PCDHAC1: variants seen among roughly 807,000 people sequenced by gnomAD.
PCDHAC1 encodes the protein protocadherin alpha-C1.
PCDHAC1 carries 42 observed loss-of-function variants against 60.0 expected under a neutral mutation model. The ratio of observed to expected loss-of-function variants is 0.70; its 90% confidence interval spans 0.55 to 0.90. The LOEUF (loss-of-function observed/expected upper bound fraction) is 0.90, where lower values mean the gene tolerates loss of function less well. Ranked by LOEUF, PCDHAC1 falls within the 40% of genes least tolerant of loss-of-function variation. The pLI, the probability that PCDHAC1 is intolerant of heterozygous loss-of-function variation, is 0.00. For missense variants in PCDHAC1, 1,160 were observed against 1,222.3 expected, an observed-to-expected ratio of 0.95 and a Z score of 0.76; for synonymous variants, 468 against 499.3, an observed-to-expected ratio of 0.94 and a Z score of 0.84.
intron 1 of PCDHAC1, among the ~76,000 whole-genome samples, chr5:140,976,011 CTAAA>C (rs2096695708): frequency 6.6e-6 from 1 of 152,110 alleles, no homozygotes; most frequent in African/African-American, 2.4e-5. Context: ...TATTAAAGAA[CTAAA>C]TAATCACAGT....
At chr5:140,979,690 A>G (rs2096860224) in intron 2 of PCDHAC1, among the ~76,000 whole-genome samples, 1 of 152,252 alleles carries the variant, frequency 6.6e-6, no homozygotes, top group Non-Finnish European at 1.5e-5. Context: ...ATTAACTACC[A>G]TTATTTCTGG....
intron 1 of PCDHAC1, among the ~76,000 whole-genome samples, chr5:140,976,886 AC>A (rs2096735847): frequency 6.6e-6 from 1 of 152,232 alleles, no homozygotes; most frequent in African/African-American, 2.4e-5. Flanking sequence ...GAATTAGGAT[AC>A]ATGCAACAGT....
In PCDHAC1 at chr5:140,927,059, G is replaced by T. The variant is rs2153586396; in HGVS notation, c.167G>T (p.Arg56Leu). Reference sequence around the variant, plus strand: ...GCCGCTATGTCCTCGCGGAACTTTCGCTTCCTTTCCAGCCACCGCGAGCTC... The same window carrying T: ...GCCGCTATGTCCTCGCGGAACTTTCTCTTCCTTTCCAGCCACCGCGAGCTC... ...PAAAMSSRNF[R>L]FLSSHRELYF... The change falls in exon 1 of 4, where the codon CGC becomes CTC. Residue 56 changes from arginine (R) to leucine (L), a missense_variant. Transcript: ENST00000253807. The T allele has an allele frequency of 6.2e-7, 1 of 1,611,324 alleles. No homozygotes were observed. Among genetic ancestry groups the T allele is most frequent in the Middle Eastern group, 1.7e-4 (1 of 6,050 alleles).
At chr5:140,969,493 C>T (rs1240479958) in intron 1 of PCDHAC1, 5 of 1,445,166 alleles carry the variant, frequency 3.5e-6, no homozygotes, top group Non-Finnish European at 4.6e-6. Flanking sequence ...GCTATTTCCT[C>T]TCTAGAAAAA....
At position 141,009,759 on chromosome 5, in the gene PCDHAC1, G is replaced by T. The variant is rs200822345; in HGVS notation, c.2714G>T (p.Gly905Val). The change falls in exon 4 of 4, where the codon GGA becomes GTA. Residue 905 changes from glycine to valine, a missense_variant. By Grantham distance (109) the Gly-to-Val change is moderately radical. Around this residue, in one of 3 missense-constraint regions of PCDHAC1, gnomAD observed 1,113 missense variants for 1,163.7 expected, o/e 0.96. Transcript: ENST00000253807. ...GELPDKFIIP[G>V]SPAIISIRQE... ...TTGCCCGACAAATTCATTATCCCAG[G>T]ATCTCCTGCAATCATCTCCATCCGG... The T allele has an allele frequency of 6.7e-5, 108 of 1,614,082 alleles. 1 individual carries two copies. The East Asian group carries it at 2.2e-3, about 33-fold the overall frequency.
intron 1 of PCDHAC1, chr5:140,967,346 G>C (rs1332345482): frequency 6.2e-7 from 1 of 1,607,970 alleles, no homozygotes; most frequent in Non-Finnish European, 8.5e-7. Context: ...CGAGCACTTC[G>C]AGCTGGACCT....
rs1162515573 is a variant in PCDHAC1, at chr5:140,941,250, T to C, written c.2433+11925T>C. 3.6e-5 allele frequency among the ~76,000 whole-genome samples: 5 copies of C among 139,366 alleles called. No homozygotes were observed. In the East Asian group the frequency reaches 1.0e-3, roughly 29 times the overall value. 91.4% of individuals were successfully genotyped at this position (139,366 alleles called of 152,430 possible). A position where few individuals can be genotyped will look rare whatever the true frequency, so the allele number is the denominator to read the frequency against. ...TTCTTTCTTTCTTTCTTTCTTTCTT[T>C]CTTTCTCTTTCTTTCTTTCTTTCCT... is the stretch of plus-strand genomic sequence containing the variant. On this transcript the variant is annotated intron_variant, in intron 1 of 3. Coordinates refer to ENST00000253807, the MANE Select transcript of PCDHAC1 (RefSeq NM_018898.5).
At chr5:140,949,991 A>T (rs1585353048) in intron 1 of PCDHAC1, among the ~76,000 whole-genome samples, 1 of 151,822 alleles carries the variant, frequency 6.6e-6, no homozygotes, top group East Asian at 1.9e-4. Flanking sequence ...AACTTTTCTC[A>T]GTCCACTTAA....
intron 1 of PCDHAC1, chr5:140,969,328 T>C (rs2096319778): frequency 1.2e-6 from 2 of 1,614,124 alleles, no homozygotes; most frequent in Admixed American, 1.7e-5. Flanking sequence ...TTTCTCAAAA[T>C]GAGGTGAGAC....
At chr5:140,958,696 G>A (rs1276859394) in intron 1 of PCDHAC1, among the ~76,000 whole-genome samples, 1 of 152,156 alleles carries the variant, frequency 6.6e-6, no homozygotes, top group African/African-American at 2.4e-5. Flanking sequence ...ATATCCTAGA[G>A]TGACAACTCT....
rs782468229 is a variant in PCDHAC1, at chr5:140,927,159, C to T, written c.267C>T (p.Ala89=). The change falls in exon 1 of 4, where the codon GCC becomes GCT. Residue 89 remains alanine, a synonymous_variant. Transcript: ENST00000253807. ...CGGACCGCGAACAGCTGTGCAGGGC[C>T]AAAGCTGCCTGCGTCTTGACCTACG... The part of the protein sequence containing the change: ...EPADREQLCR[A]KAACVLTYDL... 2 of 1,614,164 alleles carry T rather than the reference C, an allele frequency of 1.2e-6. No individual in the cohort carries two copies. The highest frequency in any genetic ancestry group is 2.2e-5 in the South Asian group (2 of 91,080).
intron 3 of PCDHAC1, among the ~76,000 whole-genome samples, chr5:140,991,007 G>C (rs2153892777): frequency 6.6e-6 from 1 of 152,280 alleles, no homozygotes; most frequent in South Asian, 2.1e-4. Flanking sequence ...ATTGAGAACT[G>C]TGATAAGCAC....
At chr5:141,005,304 A>G (rs2098205361) in intron 3 of PCDHAC1, among the ~76,000 whole-genome samples, 1 of 152,200 alleles carries the variant, frequency 6.6e-6, no homozygotes, top group Non-Finnish European at 1.5e-5. Context: ...GCCTTTGTGA[A>G]TCTTACAGTG....
At chr5:140,953,948 C>T (rs1012464637) in intron 1 of PCDHAC1, among the ~76,000 whole-genome samples, 1 of 152,092 alleles carries the variant, frequency 6.6e-6, no homozygotes, top group Non-Finnish European at 1.5e-5. Flanking sequence ...CATTGCTCCC[C>T]CAACAGGCCC....
chr5:140,986,366 G>A (rs149115330), intron 3 of PCDHAC1, among the ~76,000 whole-genome samples: 226 of 152,252 alleles, frequency 1.5e-3, no homozygotes, highest in African/African-American at 5.1e-3. Context: ...GGAGGAATGC[G>A]TTTTGGGGGG....
rs186179297 is a variant in PCDHAC1, at chr5:140,987,139, G to A, written c.2581+4576G>A. Among the ~76,000 whole-genome samples the A allele has an allele frequency of 5.1e-4, 78 of 151,932 alleles. 3 individuals are homozygous for A. The East Asian group carries it at 0.014, about 28-fold the overall frequency. On this transcript the variant is annotated intron_variant, in intron 3 of 3. Transcript: ENST00000253807. The stretch of plus-strand genomic sequence containing the variant: ...TGAGGCAGGAGAATTGCTTGAACTC[G>A]GGAGGTGGAGGTTGCAGTGAGCTGA...
At chr5:141,007,328 A>G (rs1018961755) in intron 3 of PCDHAC1, among the ~76,000 whole-genome samples, 1 of 149,092 alleles carries the variant, frequency 6.7e-6, no homozygotes, top group African/African-American at 2.5e-5. Context: ...AAGTGGACAG[A>G]TTGCCTGAGC....
At chr5:140,988,468 A>G (rs1184589294) in intron 3 of PCDHAC1, among the ~76,000 whole-genome samples, 1 of 152,186 alleles carries the variant, frequency 6.6e-6, no homozygotes, top group African/African-American at 2.4e-5. Flanking sequence ...GGGTGTGGGA[A>G]GGGGAATTAG....
intron 3 of PCDHAC1, among the ~76,000 whole-genome samples, chr5:141,007,425 A>G (rs369535619): frequency 6.6e-4 from 98 of 148,834 alleles, no homozygotes; most frequent in African/African-American, 2.3e-3. Context: ...AAAATTAGCC[A>G]GGCATGGTGG....
Sources: allele counts gnomAD v4.1 joint callset (sites outside exome capture counted in the v4.1 genomes callset), GRCh38; gene constraint gnomAD v4.1.1; regional missense constraint gnomAD v4.1.1; transcripts MANE v1.5; gene names NCBI Gene and HGNC (gene_info 2026-07-23, HGNC 2026-07-21).